The following SLC41A1 variants were observed in gnomAD, a reference collection of about 807,000 sequenced individuals.
The protein encoded by SLC41A1 is solute carrier family 41 (magnesium transporter), member 1.
In SLC41A1, 20 loss-of-function variants were observed where a neutral mutation model predicts 47.3. That is an observed-to-expected ratio of 0.42 (90% CI 0.30 to 0.61). SLC41A1 has a LOEUF of 0.61. SLC41A1 is among the 20% of genes least tolerant of loss of function. The pLI is 0.17. For synonymous variants in SLC41A1, 282 were observed against 272.7 expected, an observed-to-expected ratio of 1.03 and a Z score of -0.34; for missense variants, 504 against 674.1, an observed-to-expected ratio of 0.75 and a Z score of 2.79.
chr1:205,803,948 AGAAGAATGGTG>A (rs1293885499), intron 2 of SLC41A1, among the ~76,000 whole-genome samples: 1 of 152,124 alleles, frequency 6.6e-6, no homozygotes, highest in Non-Finnish European at 1.5e-5. Context: ...AGAGGCGGAA[AGAAGAATGGTG>A]GAAGCAAGGC....
In SLC41A1 at chr1:205,799,059, C is replaced by T. The variant is rs567245366; in HGVS notation, c.595G>A (p.Val199Ile). 5.0e-5 allele frequency: 81 copies of T among 1,613,168 alleles called. 1 individual carries two copies. In the South Asian group the frequency reaches 6.2e-4, roughly 12 times the overall value. The part of the protein sequence containing the change: ...VVGFLASIAA[V>I]VFGWIPDGHF... ...CCATCAGGGATCCAGCCAAAGACGACGGCTGCGATGGACGCCAGGAAGCCC... is the reference window on the plus strand; with the variant it reads ...CCATCAGGGATCCAGCCAAAGACGATGGCTGCGATGGACGCCAGGAAGCCC... The change falls in exon 5 of 11, where the codon GTC (valine) becomes ATC (isoleucine). Residue 199 changes from valine to isoleucine, a missense_variant. Val to Ile is a conservative substitution (Grantham distance 29). This residue lies in a region of SLC41A1 where 421 missense variants were observed against 601.6 expected (regional missense o/e 0.70). Transcript: ENST00000367137.
At position 205,791,717 on chromosome 1, in the gene SLC41A1, A is replaced by C. The variant is rs1571636542; in HGVS notation, c.1358T>G (p.Val453Gly). 6.2e-7 allele frequency: 1 copy of C among 1,613,130 alleles called. No homozygotes were observed. The highest frequency in any genetic ancestry group is 1.1e-5 in the South Asian group (1 of 91,014). The change falls in exon 11 of 11, where the codon GTG (valine) becomes GGG (glycine). Residue 453 changes from valine (V) to glycine (G), a missense_variant and splice_region_variant. Transcript: ENST00000367137. The surrounding 1 kb of genome is among the most constrained non-coding windows in gnomAD (Gnocchi z 4.0). ...IFYMTAALLQ[V>G]LILLYIADWM... ...GTCTGCGATGTACAGGAGAATCAGC[A>C]CCTGGGGAGACAAAAGGGCCCAGCC...
At chr1:205,800,474 CTCTG>C (rs1056684882) in intron 3 of SLC41A1, among the ~76,000 whole-genome samples, 2 of 152,198 alleles carry the variant, frequency 1.3e-5, no homozygotes, top group African/African-American at 2.4e-5. Flanking sequence ...AGCAGCTCCT[CTCTG>C]TCTGTTTCCT....
intron 4 of SLC41A1, among the ~76,000 whole-genome samples, chr1:205,799,468 G>A (rs960433944): frequency 6.6e-6 from 1 of 152,162 alleles, no homozygotes; most frequent in African/African-American, 2.4e-5. Flanking sequence ...GGACAGCAGT[G>A]GCACAGGACA....
chr1:205,798,201 G>C, intron 6 of SLC41A1, 150 bp from the exon 7 acceptor site: 2 of 1,251,432 alleles, frequency 1.6e-6, no homozygotes, highest in South Asian at 1.3e-5. Flanking sequence ...TTCACTGGCA[G>C]CTCAGGAGGT....
At chr1:205,802,753 A>ATAAAC (rs1283673893) in intron 2 of SLC41A1, among the ~76,000 whole-genome samples, 1 of 151,474 alleles carries the variant, frequency 6.6e-6, no homozygotes, top group Non-Finnish European at 1.5e-5. Flanking sequence ...ATAAAATAAA[A>ATAAAC]TAAAATAAAA....
intron 7 of SLC41A1, 67 bp downstream of exon 7, chr1:205,797,837 G>T: frequency 1.2e-6 from 2 of 1,602,850 alleles, no homozygotes; most frequent in Admixed American, 1.7e-5. Context: ...ATCTCTCCAG[G>T]GTTTAAAAAG....
At chr1:205,795,816 G>C in intron 8 of SLC41A1, 2 of 411,478 alleles carry the variant, frequency 4.9e-6, no homozygotes, top group East Asian at 5.5e-5. Context: ...TCCACCAGTA[G>C]AGCATGGGCA....
intron 10 of SLC41A1, among the ~76,000 whole-genome samples, chr1:205,794,426 T>G (rs1655698646): frequency 6.6e-6 from 1 of 152,164 alleles, no homozygotes; most frequent in South Asian, 2.1e-4. Flanking sequence ...CTACACAGGA[T>G]CCGACAGATT....
At position 205,790,639 on chromosome 1, in the gene SLC41A1, T is replaced by G. The variant is rs1277379297; in HGVS notation, c.*894A>C. The G allele has an allele frequency of 6.6e-6, 1 of 152,206 alleles. No individual in the cohort carries two copies. Among genetic ancestry groups the G allele is most frequent in the Non-Finnish European group, 1.5e-5 (1 of 68,060 alleles). 9.4% of individuals were successfully genotyped at this position (152,206 alleles called of 1,614,324 possible). On this transcript the variant is annotated 3_prime_UTR_variant, in exon 11 of 11. Transcript: ENST00000367137. ...TCTCCACATACCCATGACCTGACCCTAATCTCAAAACCCAACCTGGCAAGC... is the reference window on the plus strand; with the variant it reads ...TCTCCACATACCCATGACCTGACCCGAATCTCAAAACCCAACCTGGCAAGC...
chr1:205,812,664 A>AAAATGG, intron 1 of SLC41A1, 144 bp downstream of exon 1: 1 of 825,270 alleles, frequency 1.2e-6, no homozygotes, highest in Non-Finnish European at 1.5e-6. Context: ...GACCCATTTT[A>AAAATGG]GTATCCCCAA....
At chr1:205,798,533 G>A (rs1655799526) in intron 6 of SLC41A1, 136 bp downstream of exon 6, 2 of 1,324,204 alleles carry the variant, frequency 1.5e-6, no homozygotes, top group African/African-American at 2.9e-5. Context: ...AAATCTCTAA[G>A]ATCAGGAATT....
At chr1:205,808,958 G>A (rs902864755) in intron 2 of SLC41A1, among the ~76,000 whole-genome samples, 1 of 152,198 alleles carries the variant, frequency 6.6e-6, no homozygotes, top group African/African-American at 2.4e-5. Context: ...TGTAGGGTTG[G>A]CTTGGCACAG....
chr1:205,806,348 T>C (rs555366505), intron 2 of SLC41A1, among the ~76,000 whole-genome samples: 138 of 151,908 alleles, frequency 9.1e-4, no homozygotes, highest in Non-Finnish European at 1.6e-3. Context: ...AAGGCCACGC[T>C]TGCCATGCAC....
At chr1:205,805,428 G>A (rs1655993264) in intron 2 of SLC41A1, among the ~76,000 whole-genome samples, 1 of 152,152 alleles carries the variant, frequency 6.6e-6, no homozygotes, top group East Asian at 1.9e-4. Context: ...GGCAGACAGT[G>A]AGTAGCTCTT....
chr1:205,797,951 C>T lies in SLC41A1; in HGVS notation c.945G>A (p.Val315=), dbSNP rs1655786436. ...LARRSPATRE[V]LYSGWEPVII... ...TAACAGGCTCCCAGCCCGAGTACAA[C>T]ACCTCCCTTGTGGCTGGACTTCGTC... is the stretch of plus-strand genomic sequence containing the variant. The change falls in exon 7 of 11, where the codon GTG becomes GTA. Residue 315 remains valine, a synonymous_variant. Transcript: ENST00000367137. The T allele has an allele frequency of 6.2e-7, 1 of 1,614,210 alleles. No individual in the cohort carries two copies. Among genetic ancestry groups the T allele is most frequent in the Non-Finnish European group, 8.5e-7 (1 of 1,180,044 alleles).
At chr1:205,808,414 A>G (rs1182046955) in intron 2 of SLC41A1, among the ~76,000 whole-genome samples, 1 of 152,090 alleles carries the variant, frequency 6.6e-6, no homozygotes, top group Non-Finnish European at 1.5e-5. Flanking sequence ...TATGGATCCT[A>G]CCTCATGGGC....
chr1:205,794,903 G>A lies in SLC41A1; in HGVS notation c.1323C>T (p.Phe441=), dbSNP rs151305052. The A allele has an allele frequency of 1.0e-3, 1,638 of 1,614,078 alleles. 3 individuals carry two copies. The highest frequency in any genetic ancestry group is 2.6e-3 in the South Asian group (241 of 91,074). ...GTGCAGCTGTCATATAGAAGATGATGAAGATGAGTGTGAGGGTGGTGTGCC... is the reference window on the plus strand; with the variant it reads ...GTGCAGCTGTCATATAGAAGATGATAAAGATGAGTGTGAGGGTGGTGTGCC... ...QGGHTTLTLI[F]IIFYMTAALL... is the part of the protein sequence containing the mutation. The change falls in exon 10 of 11, where the codon TTC becomes TTT. Residue 441 remains phenylalanine, a synonymous_variant. Coordinates refer to ENST00000367137, the MANE Select transcript of SLC41A1 (RefSeq NM_173854.6).
At chr1:205,812,640 G>A (rs994647143) in intron 1 of SLC41A1, 168 bp downstream of exon 1, 4 of 575,104 alleles carry the variant, frequency 7.0e-6, no homozygotes, top group Admixed American at 6.3e-5. Context: ...CTCCTCCCAG[G>A]CGGGGACAAA....
Sources: allele counts gnomAD v4.1 joint callset (sites outside exome capture counted in the v4.1 genomes callset), GRCh38; gene constraint gnomAD v4.1.1; regional missense constraint gnomAD v4.1.1; non-coding constraint Gnocchi (gnomAD v3.1); transcripts MANE v1.5; gene names NCBI Gene and HGNC (gene_info 2026-07-23, HGNC 2026-07-21).